Variants in PHF21A observed in about 807,000 individuals in gnomAD.
PHF21A encodes the protein BHC80a.
In PHF21A, 11 loss-of-function variants were observed where a neutral mutation model predicts 82.5. The ratio of observed to expected loss-of-function variants is 0.13; its 90% confidence interval spans 0.08 to 0.22. The LOEUF is 0.22. PHF21A is among the 10% of genes least tolerant of loss of function. The pLI is 1.00. For missense variants in PHF21A, 579 were observed against 837.8 expected, an observed-to-expected ratio of 0.69 and a Z score of 3.81; for synonymous variants, 297 against 302.8, an observed-to-expected ratio of 0.98 and a Z score of 0.20.
At chr11:46,050,436 A>C (rs1197548610) in intron 6 of PHF21A, among the ~76,000 whole-genome samples, 1 of 152,194 alleles carries the variant, frequency 6.6e-6, no homozygotes, top group Non-Finnish European at 1.5e-5. Context: ...CTGGCTTTTG[A>C]GAGGCCCATG....
intron 10 of PHF21A, among the ~76,000 whole-genome samples, chr11:45,959,273 T>C (rs914673628): frequency 2.2e-4 from 33 of 152,380 alleles, no homozygotes; most frequent in Admixed American, 2.0e-3. Context: ...TTGATTATAG[T>C]AATCATTTCA....
chr11:46,105,007 T>C (rs561102597), intron 1 of PHF21A, among the ~76,000 whole-genome samples: 28 of 152,326 alleles, frequency 1.8e-4, no homozygotes, highest in Middle Eastern at 3.4e-3. Flanking sequence ...TTCAGTACCA[T>C]TTATTTAGTA....
chr11:46,059,378 C>A (rs994408957), intron 6 of PHF21A, among the ~76,000 whole-genome samples: 61 of 152,082 alleles, frequency 4.0e-4, no homozygotes, highest in African/African-American at 1.2e-3. Context: ...AAGATATAGA[C>A]AAAATAAGTA....
chr11:46,111,066 T>C (rs1245711661), intron 1 of PHF21A, among the ~76,000 whole-genome samples: 1 of 151,048 alleles, frequency 6.6e-6, no homozygotes, highest in African/African-American at 2.4e-5. Context: ...ATTACAGGCG[T>C]GAGCCACCGC....
chr11:46,080,155 A>G (rs2096773095), intron 4 of PHF21A, among the ~76,000 whole-genome samples: 1 of 151,796 alleles, frequency 6.6e-6, no homozygotes, highest in South Asian at 2.1e-4. Context: ...CTATATATTT[A>G]TCTAACTACT....
chr11:45,985,631 A>C (rs1351285807), intron 6 of PHF21A, among the ~76,000 whole-genome samples: 2 of 152,254 alleles, frequency 1.3e-5, no homozygotes, highest in African/African-American at 2.4e-5. Context: ...AAATAATTGC[A>C]CTTTCTTCAT....
intron 1 of PHF21A, among the ~76,000 whole-genome samples, chr11:46,104,396 G>A (rs1199098416): frequency 6.6e-6 from 1 of 151,808 alleles, no homozygotes; most frequent in Non-Finnish European, 1.5e-5. Context: ...GGTCTCACCA[G>A]CTGTTGAGAA....
chr11:45,935,401 G>A (rs748416195), intron 18 of PHF21A: 23 of 737,350 alleles, frequency 3.1e-5, no homozygotes, highest in Middle Eastern at 3.3e-4. Context: ...TCCTCTCTCT[G>A]ATTAAAGCCA....
At chr11:45,985,866 T>C (rs967259651) in intron 6 of PHF21A, among the ~76,000 whole-genome samples, 13 of 152,146 alleles carry the variant, frequency 8.5e-5, no homozygotes, top group African/African-American at 2.9e-4. Context: ...GACATAATTA[T>C]TTTATAGTTC....
intron 6 of PHF21A, among the ~76,000 whole-genome samples, chr11:46,060,438 T>A (rs2096520863): frequency 6.6e-6 from 1 of 152,220 alleles, no homozygotes; most frequent in African/African-American, 2.4e-5. Flanking sequence ...TCTTAGCACA[T>A]ACTCATATAA....
intron 6 of PHF21A, among the ~76,000 whole-genome samples, chr11:46,039,852 T>C (rs1158687763): frequency 6.6e-6 from 1 of 152,224 alleles, no homozygotes; most frequent in African/African-American, 2.4e-5. Flanking sequence ...ATTAAAAATA[T>C]CTGCATGAAT....
intron 6 of PHF21A, among the ~76,000 whole-genome samples, chr11:46,021,969 A>C (rs1311982388): frequency 1.3e-5 from 2 of 152,184 alleles, no homozygotes; most frequent in African/African-American, 4.8e-5. Flanking sequence ...ACTAGTAGGA[A>C]AGGAAAAGAT....
At chr11:46,087,722 G>A (rs2096873217) in intron 3 of PHF21A, among the ~76,000 whole-genome samples, 1 of 152,044 alleles carries the variant, frequency 6.6e-6, no homozygotes, top group Non-Finnish European at 1.5e-5. Context: ...CTCATATGTT[G>A]CCCAGGCTGG....
At chr11:46,116,263 C>A (rs371213531) in intron 1 of PHF21A, among the ~76,000 whole-genome samples, 19 of 152,218 alleles carry the variant, frequency 1.2e-4, no homozygotes, top group South Asian at 8.3e-4. Context: ...AATAGAAAAA[C>A]AAAAATGATA....
intron 7 of PHF21A, among the ~76,000 whole-genome samples, chr11:45,972,791 G>A (rs1197233185): frequency 3.3e-5 from 5 of 152,230 alleles, no homozygotes; most frequent in African/African-American, 1.2e-4. Flanking sequence ...GCAGGCACCT[G>A]TAATCCCAGC....
At chr11:46,074,464 G>C (rs1043731363) in intron 6 of PHF21A, among the ~76,000 whole-genome samples, 6 of 151,730 alleles carry the variant, frequency 4.0e-5, no homozygotes, top group South Asian at 4.2e-4. Flanking sequence ...TTGGCGGGAG[G>C]GGGGAAGGCA....
At chr11:45,996,289 A>G (rs1001834230) in intron 6 of PHF21A, among the ~76,000 whole-genome samples, 3 of 152,170 alleles carry the variant, frequency 2.0e-5, no homozygotes, top group Non-Finnish European at 4.4e-5. Context: ...TCTAGTACTC[A>G]AGGTAGTAAA....
chr11:46,052,979 A>C (rs1346236171), intron 6 of PHF21A, among the ~76,000 whole-genome samples: 1 of 152,220 alleles, frequency 6.6e-6, no homozygotes, highest in African/African-American at 2.4e-5. Flanking sequence ...TAATTCTCAC[A>C]TGAAGGCAAA....
intron 6 of PHF21A, among the ~76,000 whole-genome samples, chr11:46,072,880 A>G (rs2096670792): frequency 6.6e-6 from 1 of 152,306 alleles, no homozygotes; most frequent in East Asian, 1.9e-4. Context: ...GAATGTTAAG[A>G]TTGCCTCTAC....
Sources: gnomAD v4.1 joint callset for allele counts (sites outside exome capture counted in the v4.1 genomes callset) on GRCh38, gnomAD v4.1.1 for gene constraint, MANE v1.5 for transcripts, NCBI Gene and HGNC (gene_info 2026-07-23, HGNC 2026-07-21) for gene names.